ANKRD55: variants seen among roughly 807,000 people sequenced by gnomAD.
The protein encoded by ANKRD55 is ankyrin repeat domain 55, also known as ankyrin repeat domain-containing protein 55.
ANKRD55 carries 41 observed loss-of-function variants against 60.6 expected under a neutral mutation model. The ratio of observed to expected loss-of-function variants is 0.68; its 90% CI spans 0.53 to 0.88. The LOEUF (loss-of-function observed/expected upper bound fraction) is 0.88. Ranked by LOEUF, ANKRD55 falls within the 40% of genes least tolerant of loss-of-function variation. ANKRD55 has a pLI of 0.00. For synonymous variants in ANKRD55, 264 were observed against 290.3 expected (o/e 0.91, Z 0.92); for missense variants, 732 against 767.6 (o/e 0.95, Z 0.55).
chr5:56,159,733 C>T, intron 6 of ANKRD55, 100 bp downstream of exon 6: 1 of 1,174,904 alleles, frequency 8.5e-7, no homozygotes, highest in Non-Finnish European at 1.3e-6. Flanking sequence ...TGCCTCATGT[C>T]TCCCCGTAGC....
At chr5:56,137,583 T>C (rs1304362681) in intron 7 of ANKRD55, 1 of 672,696 alleles carries the variant, frequency 1.5e-6, no homozygotes, top group Non-Finnish European at 2.6e-6. Flanking sequence ...AAAAAAGAAT[T>C]CCAGGAGATA....
intron 3 of ANKRD55, among the ~76,000 whole-genome samples, chr5:56,179,850 CTTGTAT>C (rs2111827540): frequency 6.6e-6 from 1 of 152,118 alleles, no homozygotes; most frequent in East Asian, 1.9e-4. Flanking sequence ...ACAATAATAG[CTTGTAT>C]TTATTGAGTG....
intron 11 of ANKRD55, among the ~76,000 whole-genome samples, chr5:56,101,527 C>G (rs991588228): frequency 1.3e-5 from 2 of 152,038 alleles, no homozygotes; most frequent in Admixed American, 6.6e-5. Context: ...TTGTTCCTGG[C>G]TCTACAATGG....
At chr5:56,195,653 A>G (rs1365839407) in intron 2 of ANKRD55, among the ~76,000 whole-genome samples, 1 of 152,204 alleles carries the variant, frequency 6.6e-6, no homozygotes, top group Non-Finnish European at 1.5e-5. Context: ...CATGTTGGCC[A>G]GGCTGGTCTT....
At chr5:56,193,386 A>G (rs776114188) in intron 2 of ANKRD55, 1 of 667,532 alleles carries the variant, frequency 1.5e-6, no homozygotes, top group Non-Finnish European at 2.6e-6. Flanking sequence ...AAGGTTATCT[A>G]CCTAGAACCT....
At chr5:56,179,934 ACTGT>A (rs1483574788) in intron 3 of ANKRD55, among the ~76,000 whole-genome samples, 6 of 152,184 alleles carry the variant, frequency 3.9e-5, no homozygotes, top group Non-Finnish European at 7.3e-5. Context: ...TGATTTTTAT[ACTGT>A]CTTAGTCTGT....
chr5:56,193,247 C>G, intron 2 of ANKRD55: 1 of 1,069,006 alleles, frequency 9.4e-7, no homozygotes, highest in Non-Finnish European at 1.3e-6. Flanking sequence ...ACAAGTGTCA[C>G]ATAGTTCCTC....
At chr5:56,193,633 C>A (rs538339982) in intron 2 of ANKRD55, 1 of 290,904 alleles carries the variant, frequency 3.4e-6, no homozygotes, top group Non-Finnish European at 6.7e-6. Context: ...GTCAGGAAAC[C>A]CTTGAAAGAA....
At chr5:56,143,418 C>A (rs1561267922) in intron 7 of ANKRD55, among the ~76,000 whole-genome samples, 1 of 152,066 alleles carries the variant, frequency 6.6e-6, no homozygotes, top group Non-Finnish European at 1.5e-5. Flanking sequence ...TTCAGGATCA[C>A]CTGAAATGAC....
At position 56,159,824 on chromosome 5, in the gene ANKRD55, G is replaced by T; in HGVS notation, c.483+9C>A. On this transcript the variant is annotated intron_variant, in intron 6 of 11. Transcript: ENST00000341048. ...AAATGACCACTTGTTGCTTGAGAGT[G>T]TGGCTCACCTCATTGTCCTGGTGAT... 1 of 1,613,590 alleles carries T rather than the reference G, an allele frequency of 6.2e-7. No individual in the cohort carries two copies. The highest frequency in any genetic ancestry group is 1.3e-5 in the African/African-American group (1 of 75,024).
chr5:56,220,598 T>C (rs922303713), intron 2 of ANKRD55, among the ~76,000 whole-genome samples: 3 of 152,200 alleles, frequency 2.0e-5, no homozygotes, highest in East Asian at 1.9e-4. Context: ...GCAGATCACC[T>C]GAGGTCAGGA....
At chr5:56,163,719 C>T (rs1758385256) in intron 5 of ANKRD55, among the ~76,000 whole-genome samples, 1 of 152,190 alleles carries the variant, frequency 6.6e-6, no homozygotes, top group Non-Finnish European at 1.5e-5. Flanking sequence ...AGAATAATAC[C>T]TACTTCCTCA....
intron 7 of ANKRD55, among the ~76,000 whole-genome samples, chr5:56,141,372 G>A (rs913427556): frequency 6.6e-6 from 1 of 152,064 alleles, no homozygotes; most frequent in Admixed American, 6.5e-5. Context: ...AAGTAGCTGG[G>A]ATTATAGGCA....
intron 2 of ANKRD55, among the ~76,000 whole-genome samples, chr5:56,231,694 CACATACACATACACAA>C (rs1561301908): frequency 2.9e-4 from 40 of 138,398 alleles, no homozygotes; most frequent in African/African-American, 9.2e-4. Context: ...CACACACACA[CACATACACATACACAA>C]ACACTATTCC....
intron 6 of ANKRD55, among the ~76,000 whole-genome samples, chr5:56,150,599 CAATA>C (rs913540848): frequency 1.4e-3 from 213 of 151,692 alleles, no homozygotes; most frequent in African/African-American, 4.9e-3. Context: ...GACCCCGTCT[CAATA>C]AATAAATAAA....
intron 8 of ANKRD55, among the ~76,000 whole-genome samples, chr5:56,121,462 C>T (rs1455403496): frequency 6.6e-6 from 1 of 151,180 alleles, no homozygotes; most frequent in Non-Finnish European, 1.5e-5. Flanking sequence ...AACCTCCGCC[C>T]CTGGGGTTCA....
rs991959548 is a variant in ANKRD55, at chr5:56,193,305, A to G, written c.59-9671T>C. On this transcript the variant is annotated intron_variant, in intron 2 of 11. Transcript: ENST00000341048. ...AGATGCATGGAAATTATAAATGTAG[A>G]AGCAGGAGATTCCAGAGATCCCACT... 9.4e-6 allele frequency: 10 copies of G among 1,061,026 alleles called. No homozygotes were observed. The African/African-American group carries it at 1.6e-4, about 17-fold the overall frequency. 65.7% of individuals were successfully genotyped at this position (1,061,026 alleles called of 1,614,324 possible).
chr5:56,117,267 TAA>T (rs900275139), intron 8 of ANKRD55, among the ~76,000 whole-genome samples: 7 of 152,210 alleles, frequency 4.6e-5, no homozygotes, highest in East Asian at 1.9e-4. Context: ...TTTTGAAATA[TAA>T]GTTTGTTTGC....
intron 3 of ANKRD55, among the ~76,000 whole-genome samples, chr5:56,182,792 T>A (rs926972446): frequency 1.3e-5 from 2 of 152,258 alleles, no homozygotes; most frequent in African/African-American, 4.8e-5. Context: ...AATCCAGGTT[T>A]CCTACTCAGT....
Sources: allele counts gnomAD v4.1 joint callset (sites outside exome capture counted in the v4.1 genomes callset), GRCh38; gene constraint gnomAD v4.1.1; transcripts MANE v1.5; gene names NCBI Gene and HGNC (gene_info 2026-07-23, HGNC 2026-07-21).